The following PPIP5K2 variants were observed in gnomAD, a reference collection of about 807,000 sequenced individuals.
PPIP5K2 encodes diphosphoinositol pentakisphosphate kinase 2, also known as inositol hexakisphosphate and diphosphoinositol-pentakisphosphate kinase 2.
In PPIP5K2, 105 loss-of-function variants were observed where a neutral mutation model predicts 154.6. The observed-to-expected ratio is 0.68, with a 90% CI of 0.58 to 0.80. PPIP5K2 has a LOEUF of 0.80. Ranked by LOEUF, PPIP5K2 falls within the 30% of genes least tolerant of loss-of-function variation. The probability of loss-of-function intolerance (pLI) is 0.00; values close to 1 mark genes in which losing one functional copy is unlikely to be tolerated. For missense variants in PPIP5K2, 992 were observed against 1,504.6 expected, an observed-to-expected ratio of 0.66 and a Z score of 5.64; for synonymous variants, 480 against 490.3, an observed-to-expected ratio of 0.98 and a Z score of 0.28.
At chr5:103,149,063 A>T in intron 7 of PPIP5K2, 89 bp from the exon 8 acceptor site, 1 of 1,056,222 alleles carries the variant, frequency 9.5e-7, no homozygotes, top group Non-Finnish European at 1.3e-6. Flanking sequence ...TTTTTTAGTA[A>T]TTTTTTCATT....
intron 6 of PPIP5K2, among the ~76,000 whole-genome samples, 191 bp from the exon 7 acceptor site, chr5:103,147,740 A>G (rs1793973460): frequency 6.6e-6 from 1 of 150,900 alleles, no homozygotes; most frequent in South Asian, 2.1e-4. Flanking sequence ...CTAATATATA[A>G]GTTATGGTAA....
rs1803697108 is a variant in PPIP5K2 at position 103,209,641 on chromosome 5, GA to G, written c.*8012del. On this transcript the variant is annotated 3_prime_UTR_variant, in exon 31 of 31. Coordinates refer to ENST00000358359, the MANE Select transcript of PPIP5K2 (RefSeq NM_001276277.3). ...ATGGAAGGATTTTTTTAAAAAAAAGGAAAAATGAATATGCCTTCAGAAAGTT... is the reference window on the plus strand; with the variant it reads ...ATGGAAGGATTTTTTTAAAAAAAAGGAAAATGAATATGCCTTCAGAAAGTT... The G allele has an allele frequency of 6.6e-6, 1 of 152,060 alleles. No homozygotes were observed. Among genetic ancestry groups the G allele is most frequent in the Non-Finnish European group, 1.5e-5 (1 of 67,982 alleles). The allele number at this position is 152,060 out of a possible 1,614,324, so 9.4% of individuals were successfully genotyped here.
In PPIP5K2 at chr5:103,184,742, T is replaced by C. The variant is rs1800096996; in HGVS notation, c.3167T>C (p.Val1056Ala). The part of the protein sequence containing the change: ...TLVEQKQNPT[V>A]GSHCAGLFST... Reference sequence around the variant, plus strand: ...GTGGAACAGAAGCAGAATCCTACTGTAGGTATGTGGTGTAAAGGAAATTGT... The same window carrying C: ...GTGGAACAGAAGCAGAATCCTACTGCAGGTATGTGGTGTAAAGGAAATTGT... Residue 1056 changes from valine (V) to alanine (A), a missense_variant and splice_region_variant, in exon 26 of 31, where the codon GTA becomes GCA. Physicochemically the swap from Val to Ala is moderately conservative, Grantham distance 64 (BLOSUM62 0). Transcript: ENST00000358359. The C allele has an allele frequency of 6.2e-7, 1 of 1,610,276 alleles. No individual in the cohort carries two copies. The highest frequency in any genetic ancestry group is 8.5e-7 in the Non-Finnish European group (1 of 1,176,736).
At chr5:103,146,004 A>G (rs1390925575) in intron 5 of PPIP5K2, among the ~76,000 whole-genome samples, 1 of 152,078 alleles carries the variant, frequency 6.6e-6, no homozygotes, top group African/African-American at 2.4e-5. Flanking sequence ...AAATATATAC[A>G]ACTACTATGT....
At chr5:103,140,836 C>CAAA (rs34150862) in intron 5 of PPIP5K2, among the ~76,000 whole-genome samples, 3 of 88,150 alleles carry the variant, frequency 3.4e-5, no homozygotes, top group Non-Finnish European at 4.9e-5. Flanking sequence ...GACTCCGTCT[C>CAAA]AAAAAAAAAA....
chr5:103,173,075 C>G, intron 19 of PPIP5K2, 80 bp from the exon 20 acceptor site: 1 of 1,180,210 alleles, frequency 8.5e-7, no homozygotes, highest in Non-Finnish European at 1.2e-6. Flanking sequence ...TTGTCTCTCA[C>G]TAGACTAATT....
intron 7 of PPIP5K2, chr5:103,148,248 G>T (rs1794057608): frequency 3.6e-6 from 2 of 560,660 alleles, no homozygotes; most frequent in Non-Finnish European, 3.2e-6. Flanking sequence ...AAACATGTAA[G>T]ATTATGATGG....
rs1554209813 is a variant in PPIP5K2 at position 103,148,032 on chromosome 5, G to C, written c.744G>C (p.Lys248Asn). 6.5e-7 allele frequency: 1 copy of C among 1,544,494 alleles called. No homozygotes were observed. Among genetic ancestry groups the C allele is most frequent in the Non-Finnish European group, 8.8e-7 (1 of 1,132,934 alleles). Residue 248 changes from lysine to asparagine, a missense_variant and splice_region_variant, in exon 7 of 31, where the codon AAG becomes AAC. This residue lies in a region of PPIP5K2 where 51 missense variants were observed against 152.2 expected (regional missense o/e 0.33). Coordinates refer to ENST00000358359, the MANE Select transcript of PPIP5K2 (RefSeq NM_001276277.3). ...EFMPTDGTDV[K>N]VYTVGPDYAH... ...TGCCCACAGATGGTACTGATGTTAA[G>C]GTAGGATTGATTAAAATAGATTTTA... is the stretch of plus-strand genomic sequence containing the variant.
chr5:103,177,626 A>T (rs782585049), intron 21 of PPIP5K2, 41 bp from the exon 22 acceptor site: 7 of 1,388,244 alleles, frequency 5.0e-6, no homozygotes, highest in African/African-American at 1.4e-5. Flanking sequence ...TTCAAGTAAC[A>T]CAGTTTGAGA....
chr5:103,137,189 G>T (rs1244006496), intron 4 of PPIP5K2, among the ~76,000 whole-genome samples: 2 of 145,854 alleles, frequency 1.4e-5, no homozygotes, highest in Admixed American at 1.4e-4. Context: ...TTGAGATGGA[G>T]TCTGGCTCTG....
At chr5:103,142,770 C>T (rs1281676122) in intron 5 of PPIP5K2, among the ~76,000 whole-genome samples, 4 of 65,034 alleles carry the variant, frequency 6.2e-5, no homozygotes, top group South Asian at 6.6e-4. Flanking sequence ...AGCAAGACTC[C>T]GTCTCAAAAA....
intron 14 of PPIP5K2, 44 bp from the exon 15 acceptor site, chr5:103,158,142 AAG>A: frequency 6.3e-7 from 1 of 1,582,430 alleles, no homozygotes; most frequent in Non-Finnish European, 8.7e-7. Context: ...AGTCTGTTTA[AAG>A]AAATAAACTT....
Position 103,201,665 on chromosome 5 carries a change from T to G in PPIP5K2, c.*31T>G. 4 of 1,405,958 alleles carry G rather than the reference T, an allele frequency of 2.8e-6. No homozygotes were observed. Among genetic ancestry groups the G allele is most frequent in the Non-Finnish European group, 4.0e-6 (4 of 1,010,736 alleles). 87.1% of individuals were successfully genotyped at this position (1,405,958 alleles called of 1,614,324 possible). On this transcript the variant is annotated 3_prime_UTR_variant, in exon 31 of 31. Coordinates refer to ENST00000358359, the MANE Select transcript of PPIP5K2 (RefSeq NM_001276277.3). ...TAGCAGAAGCTGGAACTTTTTATAC[T>G]TATAAAAATAGTATGTTCTTATGTT...
At chr5:103,143,258 C>T (rs1486155634) in intron 5 of PPIP5K2, among the ~76,000 whole-genome samples, 1 of 152,106 alleles carries the variant, frequency 6.6e-6, no homozygotes, top group Non-Finnish European at 1.5e-5. Flanking sequence ...AGTGAAGTGG[C>T]GTGATCACTT....
chr5:103,189,039 C>T, intron 28 of PPIP5K2: 1 of 599,158 alleles, frequency 1.7e-6, no homozygotes, highest in Non-Finnish European at 2.8e-6. Flanking sequence ...TTTCCCCTAA[C>T]TTTCATGTTA....
chr5:103,144,649 T>G (rs1554208563), intron 5 of PPIP5K2, among the ~76,000 whole-genome samples: 2 of 152,186 alleles, frequency 1.3e-5, no homozygotes, highest in Admixed American at 6.5e-5. Context: ...TCGACAAAGT[T>G]GACCAGAATG....
intron 29 of PPIP5K2, 183 bp downstream of exon 29, chr5:103,191,165 C>T: frequency 1.1e-5 from 5 of 443,574 alleles, no homozygotes; most frequent in Non-Finnish European, 1.9e-5. Flanking sequence ...CTTTTTTTTA[C>T]TCTGCCAAAA....
In PPIP5K2 at chr5:103,177,978, G is replaced by A; in HGVS notation, c.2752G>A (p.Glu918Lys). The change falls in exon 23 of 31, where the codon GAG (glutamate) becomes AAG (lysine). Residue 918 changes from glutamate (E) to lysine (K), a missense_variant and splice_region_variant. Transcript: ENST00000358359. ...CTATGGATATAGACCAGCTTCCAGA[G>A]AGGTAATGAAGGTGGAACTCTCAGT... Reference protein sequence around the residue: ...SGYGYRPASRENEGRRPFKID... With the variant: ...SGYGYRPASRKNEGRRPFKID... 1 of 1,581,624 alleles carries A rather than the reference G, an allele frequency of 6.3e-7. No individual in the cohort carries two copies. Among genetic ancestry groups the A allele is most frequent in the Non-Finnish European group, 8.7e-7 (1 of 1,150,868 alleles).
intron 11 of PPIP5K2, 92 bp from the exon 12 acceptor site, chr5:103,154,578 C>A: frequency 1.3e-6 from 1 of 760,754 alleles, no homozygotes; most frequent in South Asian, 2.1e-5. Context: ...GTTCTAGTCC[C>A]ATAGCTTATC....
Sources: allele counts gnomAD v4.1 joint callset (sites outside exome capture counted in the v4.1 genomes callset), GRCh38; gene constraint gnomAD v4.1.1; regional missense constraint gnomAD v4.1.1; transcripts MANE v1.5; gene names NCBI Gene and HGNC (gene_info 2026-07-23, HGNC 2026-07-21).